The following FBXO11 variants were observed in gnomAD, a reference collection of about 807,000 sequenced individuals.
FBXO11 encodes the protein F-box protein 11.
FBXO11 carries 13 observed loss-of-function variants against 117.0 expected under a neutral mutation model. The observed-to-expected ratio is 0.11, with a 90% CI of 0.07 to 0.18. FBXO11 has a LOEUF of 0.18. Ranked by LOEUF, FBXO11 falls within the 10% of genes least tolerant of loss-of-function variation. The pLI is 1.00. For synonymous variants in FBXO11, 490 were observed against 380.5 expected (o/e 1.29, Z -3.35); for missense variants, 767 against 1,164.4 (o/e 0.66, Z 4.97).
chr2:47,875,957 A>G (rs1195565737), intron 1 of FBXO11, among the ~76,000 whole-genome samples: 3 of 152,246 alleles, frequency 2.0e-5, no homozygotes, highest in Non-Finnish European at 4.4e-5. Flanking sequence ...GAGTAGTACT[A>G]ATCAGTGGCT....
At chr2:47,841,154 T>C (rs952840715) in intron 1 of FBXO11, among the ~76,000 whole-genome samples, 1 of 149,254 alleles carries the variant, frequency 6.7e-6, no homozygotes. Flanking sequence ...GCCGAGATCA[T>C]GCCACTGCAC....
In FBXO11 at chr2:47,905,532, C is replaced by CGGCGGT. The variant is rs910374920; in HGVS notation, c.183_188dup (p.Pro65_Pro66dup). On this transcript the variant is annotated inframe_insertion, in exon 1 of 23. Transcript: ENST00000403359. ...TCCGCTCCTGAGGCAGCGGCGGAGG[C>CGGCGGT]GGCGGTGGCGGCGGCGGAGGCTGCT... The CGGCGGT allele has an allele frequency of 1.1e-5, 14 of 1,235,184 alleles. No individual in the cohort carries two copies. Among genetic ancestry groups the CGGCGGT allele is most frequent in the South Asian group, 3.7e-5 (1 of 27,268 alleles). 76.5% of individuals were successfully genotyped at this position (1,235,184 alleles called of 1,614,324 possible). A position where few individuals can be genotyped will look rare whatever the true frequency, so the allele number is the denominator to read the frequency against.
intron 7 of FBXO11, among the ~76,000 whole-genome samples, chr2:47,833,896 G>A (rs1672358332): frequency 6.6e-6 from 1 of 151,646 alleles, no homozygotes; most frequent in African/African-American, 2.4e-5. Flanking sequence ...TTTAACTCCT[G>A]ACCTGAAGCG....
At chr2:47,899,310 C>T (rs1307782815) in intron 1 of FBXO11, among the ~76,000 whole-genome samples, 2 of 150,578 alleles carry the variant, frequency 1.3e-5, no homozygotes, top group East Asian at 3.9e-4. Context: ...GTATAAGCTT[C>T]AACAAATCAG....
At chr2:47,859,493 A>G (rs1386785158) in intron 1 of FBXO11, among the ~76,000 whole-genome samples, 2 of 152,244 alleles carry the variant, frequency 1.3e-5, no homozygotes, top group Admixed American at 6.5e-5. Context: ...AAAGATTTAA[A>G]AGTAACAGGC....
chr2:47,836,717 T>G (rs531155328), intron 4 of FBXO11, among the ~76,000 whole-genome samples: 3 of 152,342 alleles, frequency 2.0e-5, no homozygotes, highest in East Asian at 3.9e-4. Context: ...AACTGTTTAC[T>G]CAGGAAGGGG....
At chr2:47,809,135 A>C (rs980197311) in intron 21 of FBXO11, 23 bp downstream of exon 21, 2 of 1,383,124 alleles carry the variant, frequency 1.4e-6, no homozygotes, top group Non-Finnish European at 2.0e-6. Flanking sequence ...TCTTTTCAGG[A>C]CTCAAATATA....
intron 4 of FBXO11, 80 bp from the exon 5 acceptor site, chr2:47,836,081 T>C: frequency 9.9e-7 from 1 of 1,012,020 alleles, no homozygotes; most frequent in Non-Finnish European, 1.4e-6. Flanking sequence ...ATAACAATTA[T>C]TTGAGGCCTC....
intron 1 of FBXO11, among the ~76,000 whole-genome samples, chr2:47,887,428 T>C (rs946194118): frequency 6.6e-6 from 1 of 151,890 alleles, no homozygotes; most frequent in African/African-American, 2.4e-5. Flanking sequence ...ATAACTGACT[T>C]TCCCCCTTAA....
At chr2:47,848,116 C>G (rs2103618377) in intron 1 of FBXO11, among the ~76,000 whole-genome samples, 1 of 150,996 alleles carries the variant, frequency 6.6e-6, no homozygotes, top group South Asian at 2.1e-4. Flanking sequence ...AGAGCGAGAC[C>G]CCATCTCAAA....
At chr2:47,872,580 T>A (rs917555339) in intron 1 of FBXO11, among the ~76,000 whole-genome samples, 5 of 152,226 alleles carry the variant, frequency 3.3e-5, no homozygotes, top group Admixed American at 6.5e-5. Context: ...TGCCTCGGCA[T>A]CCCAAAGTGC....
chr2:47,881,046 A>C (rs1447415430), intron 1 of FBXO11, among the ~76,000 whole-genome samples: 2 of 152,206 alleles, frequency 1.3e-5, no homozygotes, highest in Non-Finnish European at 2.9e-5. Flanking sequence ...CAAAGTCAGG[A>C]GTTCAAGTCA....
At chr2:47,876,649 G>A (rs1676028115) in intron 1 of FBXO11, among the ~76,000 whole-genome samples, 2 of 151,936 alleles carry the variant, frequency 1.3e-5, no homozygotes, top group South Asian at 2.1e-4. Context: ...AGGGACTGTG[G>A]CATTTTTCAT....
intron 1 of FBXO11, among the ~76,000 whole-genome samples, chr2:47,893,492 T>C (rs1677423013): frequency 1.3e-5 from 2 of 152,112 alleles, no homozygotes; most frequent in African/African-American, 2.4e-5. Flanking sequence ...ATCTATTCAA[T>C]ACAAAAGTTG....
intron 1 of FBXO11, among the ~76,000 whole-genome samples, chr2:47,900,056 T>C (rs1320128667): frequency 6.6e-6 from 1 of 152,130 alleles, no homozygotes; most frequent in Non-Finnish European, 1.5e-5. Flanking sequence ...CTGGTTGGCC[T>C]TCTCTTGGGT....
chr2:47,869,138 AGGTCCAGGAAACAAAC>A (rs1675419735), intron 1 of FBXO11, among the ~76,000 whole-genome samples: 1 of 152,352 alleles, frequency 6.6e-6, no homozygotes, highest in Admixed American at 6.5e-5. Flanking sequence ...CAGAATTCAC[AGGTCCAGGAAACAAAC>A]GGTGGAAATA....
chr2:47,874,673 T>C (rs1261376428), intron 1 of FBXO11, among the ~76,000 whole-genome samples: 1 of 152,174 alleles, frequency 6.6e-6, no homozygotes, highest in African/African-American at 2.4e-5. Flanking sequence ...TAGCTGGGAC[T>C]ACAGGCATGT....
At chr2:47,817,273 G>T (rs917700772) in intron 16 of FBXO11, among the ~76,000 whole-genome samples, 2 of 152,220 alleles carry the variant, frequency 1.3e-5, no homozygotes, top group South Asian at 2.1e-4. Context: ...TAGAACTGAA[G>T]AGAGTTGGGT....
chr2:47,822,395 C>G (rs1275993692), intron 12 of FBXO11, 92 bp from the exon 13 acceptor site: 13 of 733,288 alleles, frequency 1.8e-5, no homozygotes, highest in Non-Finnish European at 2.0e-5. Context: ...GGTCATATAA[C>G]AAATTACATA....
Sources: gnomAD v4.1 joint callset for allele counts (sites outside exome capture counted in the v4.1 genomes callset) on GRCh38, gnomAD v4.1.1 for gene constraint, MANE v1.5 for transcripts, NCBI Gene and HGNC (gene_info 2026-07-23, HGNC 2026-07-21) for gene names.